PTK2B: variants seen among roughly 807,000 people sequenced by gnomAD.
PTK2B encodes protein tyrosine kinase 2 beta, also known as protein-tyrosine kinase 2-beta.
A neutral mutation model predicts 142.9 loss-of-function variants in PTK2B; 71 were observed. That is an observed-to-expected ratio of 0.50 (90% CI 0.41 to 0.61). The LOEUF (loss-of-function observed/expected upper bound fraction) is 0.61, where lower values mean the gene tolerates loss of function less well. Ranked by LOEUF, PTK2B falls within the 20% of genes least tolerant of loss-of-function variation. The pLI is 0.00. For missense variants in PTK2B, 1,105 were observed against 1,320.4 expected, an observed-to-expected ratio of 0.84 and a Z score of 2.53; for synonymous variants, 519 against 503.4, an observed-to-expected ratio of 1.03 and a Z score of -0.42.
upstream of PTK2B, chr8:27,311,384 G>T: frequency 9.4e-7 from 1 of 1,062,142 alleles, no homozygotes; most frequent in Non-Finnish European, 1.3e-6. Context: ...AATCGTGCGG[G>T]GGGGATGGCG....
chr8:27,450,565 C>T (rs924171571), intron 24 of PTK2B, among the ~76,000 whole-genome samples, 184 bp from the exon 25 acceptor site: 1 of 152,094 alleles, frequency 6.6e-6, no homozygotes, highest in Non-Finnish European at 1.5e-5. Context: ...GATACATGCT[C>T]GGGGCTGATA....
chr8:27,393,451 G>T (rs1048774248), intron 1 of PTK2B, among the ~76,000 whole-genome samples: 1 of 152,034 alleles, frequency 6.6e-6, no homozygotes, highest in African/African-American at 2.4e-5. Context: ...TGAATCAGGG[G>T]CCAAGGGAGA....
At chr8:27,344,960 T>G (rs1347576812) in intron 1 of PTK2B, among the ~76,000 whole-genome samples, 1 of 152,122 alleles carries the variant, frequency 6.6e-6, no homozygotes, top group Non-Finnish European at 1.5e-5. Flanking sequence ...TCACTTGAGA[T>G]CAGGAGTTTG....
chr8:27,416,700 C>T (rs573687313), intron 2 of PTK2B, among the ~76,000 whole-genome samples: 9 of 152,082 alleles, frequency 5.9e-5, no homozygotes, highest in Non-Finnish European at 1.3e-4. Flanking sequence ...AGAAAATATT[C>T]ATAAAATACA....
chr8:27,414,237 G>A (rs904600024), intron 2 of PTK2B, among the ~76,000 whole-genome samples: 1 of 128,598 alleles, frequency 7.8e-6, no homozygotes, highest in Admixed American at 8.0e-5. Context: ...ATCACTATCG[G>A]CTGTCACTGC....
At chr8:27,384,837 C>T (rs2131187117) in intron 1 of PTK2B, among the ~76,000 whole-genome samples, 1 of 152,228 alleles carries the variant, frequency 6.6e-6, no homozygotes, top group Admixed American at 6.5e-5. Flanking sequence ...GTGAAGAACC[C>T]AGGGACCAAG....
intron 2 of PTK2B, among the ~76,000 whole-genome samples, chr8:27,412,048 A>G (rs1191859206): frequency 2.0e-5 from 3 of 152,208 alleles, no homozygotes; most frequent in African/African-American, 7.2e-5. Context: ...AAGGTTTCAT[A>G]TCCTCACAAG....
intron 1 of PTK2B, among the ~76,000 whole-genome samples, chr8:27,331,330 AG>A (rs1204449551): frequency 6.6e-6 from 1 of 152,030 alleles, no homozygotes; most frequent in Non-Finnish European, 1.5e-5. Flanking sequence ...ATTGATGGGG[AG>A]GGGTGTACTG....
chr8:27,452,235 G>C (rs1811861277), intron 27 of PTK2B: 1 of 152,262 alleles, frequency 6.6e-6, no homozygotes, highest in African/African-American at 2.4e-5. Context: ...GGCTCGGAAT[G>C]TGAGCTGCCT....
chr8:27,431,297 G>A, intron 8 of PTK2B, 101 bp from the exon 9 acceptor site: 1 of 1,589,622 alleles, frequency 6.3e-7, no homozygotes. Flanking sequence ...TGGAGACCCA[G>A]GAAACAGTGG....
intron 1 of PTK2B, among the ~76,000 whole-genome samples, chr8:27,355,090 TAAC>T (rs1157643978): frequency 1.3e-5 from 2 of 152,224 alleles, no homozygotes; most frequent in African/African-American, 2.4e-5. Context: ...GGCTGTCTAA[TAAC>T]AACCTCCCAA....
At chr8:27,394,528 C>T (rs187698764) in intron 1 of PTK2B, among the ~76,000 whole-genome samples, 16 of 152,322 alleles carry the variant, frequency 1.1e-4, no homozygotes, top group Admixed American at 5.2e-4. Context: ...AAGTTGCTCT[C>T]GGAATCTGCG....
intron 1 of PTK2B, among the ~76,000 whole-genome samples, chr8:27,330,346 C>A (rs778225018): frequency 6.6e-6 from 1 of 152,160 alleles, no homozygotes. Flanking sequence ...TCCTCTTCTG[C>A]GAGGCATCAG....
chr8:27,376,265 T>G (rs1217974823), intron 1 of PTK2B, among the ~76,000 whole-genome samples: 3 of 152,198 alleles, frequency 2.0e-5, no homozygotes, highest in Non-Finnish European at 4.4e-5. Flanking sequence ...CCCCAACTAG[T>G]GCCATTGGCC....
intron 1 of PTK2B, 120 bp from the exon 2 acceptor site, chr8:27,397,428 A>G: frequency 1.3e-6 from 1 of 753,770 alleles, no homozygotes; most frequent in Non-Finnish European, 2.2e-6. Flanking sequence ...GCTTTTGGGA[A>G]TGGGAGAATA....
chr8:27,325,883 G>A (rs1307716486), intron 1 of PTK2B, among the ~76,000 whole-genome samples: 2 of 152,196 alleles, frequency 1.3e-5, no homozygotes, highest in Non-Finnish European at 2.9e-5. Flanking sequence ...GGGGAAGAGG[G>A]GTTCTATTTT....
chr8:27,323,611 G>A (rs1051428486), upstream of PTK2B, among the ~76,000 whole-genome samples: 3 of 152,228 alleles, frequency 2.0e-5, no homozygotes, highest in Middle Eastern at 3.4e-3. Context: ...GAATTTGAGG[G>A]CTCCTGAGGC....
chr8:27,458,553 C>A lies in PTK2B; in HGVS notation c.*44C>A, dbSNP rs376386614. 18 of 1,530,056 alleles carry A rather than the reference C, an allele frequency of 1.2e-5. No homozygotes were observed. In the East Asian group the frequency reaches 4.2e-4, roughly 35 times the overall value. The allele number at this position is 1,530,056 out of a possible 1,614,324, so 94.8% of individuals were successfully genotyped here. A position where few individuals can be genotyped will look rare whatever the true frequency, so the allele number is the denominator to read the frequency against. ...TGCCTGCGTCTTCCGCCCCTGCCTG[C>A]CATGTACCTCCCCTGCCTTGCTGTT... On this transcript the variant is annotated 3_prime_UTR_variant, in exon 31 of 31. Coordinates refer to ENST00000346049, the MANE Select transcript of PTK2B (RefSeq NM_173176.3).
At chr8:27,343,874 G>A (rs1029664819) in intron 1 of PTK2B, among the ~76,000 whole-genome samples, 4 of 151,944 alleles carry the variant, frequency 2.6e-5, no homozygotes, top group African/African-American at 9.7e-5. Flanking sequence ...GTGGTGGTGG[G>A]CGCCTGTAGT....
Sources: allele counts gnomAD v4.1 joint callset (sites outside exome capture counted in the v4.1 genomes callset), GRCh38; gene constraint gnomAD v4.1.1; transcripts MANE v1.5; gene names NCBI Gene and HGNC (gene_info 2026-07-23, HGNC 2026-07-21).